Variants in TACR1 observed in about 807,000 individuals in gnomAD.
TACR1 encodes the protein tachykinin receptor 1, also known as substance-P receptor.
A neutral mutation model predicts 35.8 loss-of-function variants in TACR1; 25 were observed. The ratio of observed to expected loss-of-function variants is 0.70; its 90% CI spans 0.51 to 0.98. TACR1 has a LOEUF of 0.98. Ranked by LOEUF, TACR1 falls within the 50% of genes least tolerant of loss-of-function variation. TACR1 has a pLI of 0.00. For missense variants in TACR1, 478 were observed against 522.9 expected (o/e 0.91, Z 0.84); for synonymous variants, 195 against 206.7 (o/e 0.94, Z 0.48).
chr2:75,076,523 G>A (rs572838878), intron 2 of TACR1, among the ~76,000 whole-genome samples: 7 of 152,262 alleles, frequency 4.6e-5, no homozygotes, highest in Middle Eastern at 3.4e-3. Context: ...TTCCACTGGC[G>A]GGCTGACACT....
intron 2 of TACR1, among the ~76,000 whole-genome samples, chr2:75,074,084 A>T (rs558257831): frequency 6.6e-6 from 1 of 152,228 alleles, no homozygotes; most frequent in Non-Finnish European, 1.5e-5. Flanking sequence ...TTATGTTTCT[A>T]CTTATTTTTA....
chr2:75,165,336 G>A (rs1675112403), intron 1 of TACR1, among the ~76,000 whole-genome samples: 1 of 152,024 alleles, frequency 6.6e-6, no homozygotes, highest in Non-Finnish European at 1.5e-5. Context: ...TTGAGACAGA[G>A]TCTCGCTCTG....
chr2:75,114,398 T>C (rs187763234), intron 2 of TACR1, among the ~76,000 whole-genome samples: 228 of 152,358 alleles, frequency 1.5e-3, no homozygotes, highest in African/African-American at 4.6e-3. Context: ...TTCATCCTCA[T>C]TACAGATTTT....
intron 2 of TACR1, among the ~76,000 whole-genome samples, chr2:75,089,272 C>T (rs1673255148): frequency 6.6e-6 from 1 of 152,292 alleles, no homozygotes; most frequent in African/African-American, 2.4e-5. Context: ...TTCTAGCTCT[C>T]CCTTCAAAGA....
At chr2:75,149,696 T>C (rs537288435) in intron 1 of TACR1, among the ~76,000 whole-genome samples, 1 of 152,320 alleles carries the variant, frequency 6.6e-6, no homozygotes, top group East Asian at 1.9e-4. Flanking sequence ...CAGAGACAAT[T>C]TGACTTCCTC....
intron 2 of TACR1, among the ~76,000 whole-genome samples, chr2:75,111,488 CTGCAA>C (rs1383350169): frequency 6.6e-6 from 1 of 151,992 alleles, no homozygotes; most frequent in Non-Finnish European, 1.5e-5. Flanking sequence ...GATTTCTTCA[CTGCAA>C]TACTTACTAG....
At chr2:75,137,420 A>C (rs916817888) in intron 1 of TACR1, among the ~76,000 whole-genome samples, 2 of 152,112 alleles carry the variant, frequency 1.3e-5, no homozygotes, top group African/African-American at 4.8e-5. Flanking sequence ...CCAAGATAAA[A>C]TATTTCTTAG....
intron 1 of TACR1, among the ~76,000 whole-genome samples, chr2:75,163,639 T>G (rs1558576840): frequency 1.3e-5 from 2 of 152,174 alleles, no homozygotes; most frequent in Non-Finnish European, 2.9e-5. Context: ...TCTACAAAGT[T>G]GGTGCACAGG....
chr2:75,123,468 C>G (rs1035145534), intron 1 of TACR1, among the ~76,000 whole-genome samples: 1 of 152,148 alleles, frequency 6.6e-6, no homozygotes, highest in Non-Finnish European at 1.5e-5. Context: ...GGCACTGTAA[C>G]TCCAAATGGG....
intron 1 of TACR1, among the ~76,000 whole-genome samples, chr2:75,181,097 T>C (rs1439268910): frequency 6.6e-6 from 1 of 152,130 alleles, no homozygotes; most frequent in Non-Finnish European, 1.5e-5. Context: ...ATCTTCCAAT[T>C]CCACCCTCAA....
At chr2:75,071,397 C>T (rs1672875729) in intron 2 of TACR1, among the ~76,000 whole-genome samples, 1 of 152,244 alleles carries the variant, frequency 6.6e-6, no homozygotes, top group African/African-American at 2.4e-5. Context: ...CAAGGTCCAT[C>T]TTGTGCTGCT....
intron 2 of TACR1, among the ~76,000 whole-genome samples, chr2:75,088,134 A>T (rs1366581174): frequency 1.3e-5 from 2 of 152,080 alleles, no homozygotes; most frequent in African/African-American, 4.8e-5. Flanking sequence ...CAAACCATCC[A>T]TGTAGCCAGT....
intron 1 of TACR1, among the ~76,000 whole-genome samples, chr2:75,145,241 TTAAA>T (rs919261960): frequency 2.0e-5 from 3 of 152,140 alleles, no homozygotes; most frequent in African/African-American, 4.8e-5. Flanking sequence ...ATGTCTTTAA[TTAAA>T]TAAAGTGTAT....
chr2:75,170,651 T>C lies in TACR1; in HGVS notation c.389+27895A>G, dbSNP rs544088131. 5.3e-5 allele frequency among the ~76,000 whole-genome samples: 8 copies of C among 152,306 alleles called. No homozygotes were observed. In the East Asian group the frequency reaches 1.2e-3, roughly 22 times the overall value. ...TGACCCCAAAATGCTGATGGTGATA[T>C]GGACAATAAAGTCCAGGCTGAGGTG... On this transcript the variant is annotated intron_variant, in intron 1 of 4. Coordinates refer to ENST00000305249, the MANE Select transcript of TACR1 (RefSeq NM_001058.4).
chr2:75,153,764 A>G (rs960016350), intron 1 of TACR1, among the ~76,000 whole-genome samples: 2 of 152,198 alleles, frequency 1.3e-5, no homozygotes, highest in African/African-American at 4.8e-5. Context: ...TGGACCAACC[A>G]GGGATGCAAA....
At chr2:75,069,589 C>G (rs72807353) in intron 2 of TACR1, among the ~76,000 whole-genome samples, 19,747 of 152,174 alleles carry the variant, frequency 0.13, 1,880 homozygotes, top group Admixed American at 0.29. Context: ...TTTTTCTGCT[C>G]CAAGATCTCA....
Position 75,051,464 on chromosome 2 carries a change from A to G in TACR1, c.736-17T>C. 1 of 1,613,280 alleles carries G rather than the reference A, an allele frequency of 6.2e-7. No homozygotes were observed. Among genetic ancestry groups the G allele is most frequent in the South Asian group, 1.1e-5 (1 of 90,988 alleles). On this transcript the variant is annotated splice_polypyrimidine_tract_variant and intron_variant, in intron 3 of 4. Transcript: ENST00000305249. ...TTTGACCACCTGGCAAGAGGGTGAG[A>G]CAGGTGAGACCACCAGCACATCCCC...
At position 75,073,097 on chromosome 2, in the gene TACR1, C is replaced by T. The variant is rs1357215036; in HGVS notation, c.585-19342G>A. Among the ~76,000 whole-genome samples, 4 of 152,128 alleles carry T rather than the reference C, an allele frequency of 2.6e-5. No homozygotes were observed. The South Asian group carries it at 8.3e-4, about 32-fold the overall frequency. ...AAACCTCTCTATATAAGAGGAAAAC[C>T]TCACTACTCACAGGAATAGGGACCC... On this transcript the variant is annotated intron_variant, in intron 2 of 4. Transcript: ENST00000305249.
intron 2 of TACR1, among the ~76,000 whole-genome samples, chr2:75,074,336 A>G (rs537669584): frequency 7.9e-5 from 12 of 152,148 alleles, no homozygotes; most frequent in Non-Finnish European, 1.6e-4. Flanking sequence ...CTGAAACTTC[A>G]GCCTCTAGCA....
Sources: allele counts gnomAD v4.1 joint callset (sites outside exome capture counted in the v4.1 genomes callset), GRCh38; gene constraint gnomAD v4.1.1; transcripts MANE v1.5; gene names NCBI Gene and HGNC (gene_info 2026-07-23, HGNC 2026-07-21).